The following XCR1 variants were observed in gnomAD, a reference collection of about 807,000 sequenced individuals.
XCR1 encodes the protein X-C motif chemokine receptor 1.
For missense variants in XCR1, 356 were observed against 424.2 expected (o/e 0.84, Z 1.41); for synonymous variants, 187 against 188.5 (o/e 0.99, Z 0.06).
chr3:46,025,622 G>A (rs1366018077), intron 1 of XCR1, among the ~76,000 whole-genome samples: 1 of 152,114 alleles, frequency 6.6e-6, no homozygotes, highest in Non-Finnish European at 1.5e-5. Context: ...AACTGACATG[G>A]GATGATATGG....
intron 4 of XCR1, among the ~76,000 whole-genome samples, chr3:46,059,890 C>A (rs773000508): frequency 2.0e-5 from 3 of 152,188 alleles, no homozygotes; most frequent in Non-Finnish European, 2.9e-5. Flanking sequence ...TAACATGATA[C>A]AACTGAAATT....
At chr3:46,028,810 T>C (rs141512689), upstream of XCR1, among the ~76,000 whole-genome samples, 136 of 152,300 alleles carry the variant, frequency 8.9e-4, no homozygotes, top group African/African-American at 3.0e-3. Flanking sequence ...CAGACTAATC[T>C]TGGACTCTTG....
intron 5 of XCR1, among the ~76,000 whole-genome samples, chr3:46,049,890 T>C (rs562659067): frequency 3.3e-5 from 5 of 152,346 alleles, no homozygotes; most frequent in African/African-American, 1.2e-4. Context: ...TGCCAGGCAG[T>C]TGACATTTCC....
chr3:46,041,891 A>G (rs1240771522), intron 5 of XCR1, among the ~76,000 whole-genome samples: 1 of 152,194 alleles, frequency 6.6e-6, no homozygotes, highest in Non-Finnish European at 1.5e-5. Context: ...CTTCCCTGCT[A>G]TATAAACCCC....
At chr3:46,042,740 A>G (rs1379094275) in intron 5 of XCR1, among the ~76,000 whole-genome samples, 2 of 152,222 alleles carry the variant, frequency 1.3e-5, no homozygotes, top group Non-Finnish European at 2.9e-5. Flanking sequence ...ATTCTACCAA[A>G]CATTTAAAGA....
At chr3:46,053,619 A>G (rs1252876963) in intron 5 of XCR1, among the ~76,000 whole-genome samples, 1 of 144,396 alleles carries the variant, frequency 6.9e-6, no homozygotes, top group Non-Finnish European at 1.5e-5. Context: ...AAAACTGAAG[A>G]ATAACTTTAA....
Position 46,080,522 on chromosome 3 carries a change from A to C in XCR1, c.-514-3596T>G, listed in dbSNP as rs186637252. 5.3e-5 allele frequency among the ~76,000 whole-genome samples: 8 copies of C among 152,286 alleles called. No individual in the cohort carries two copies. The East Asian group carries it at 1.5e-3, about 29-fold the overall frequency. On this transcript the variant is annotated intron_variant, in intron 1 of 5. Transcript: ENST00000683768. ...GGTTGCAGTGAGCTGAGATTGTGCC[A>C]CTGCACTCCAGCCTGAGTGACAAAG...
upstream of XCR1, among the ~76,000 whole-genome samples, chr3:46,031,848 A>C (rs1708400360): frequency 6.6e-6 from 1 of 152,190 alleles, no homozygotes; most frequent in Non-Finnish European, 1.5e-5. Flanking sequence ...TGACCTGTCT[A>C]AGAGAGGCTA....
At chr3:46,063,793 A>G (rs918715476) in intron 4 of XCR1, among the ~76,000 whole-genome samples, 2 of 152,186 alleles carry the variant, frequency 1.3e-5, no homozygotes, top group African/African-American at 4.8e-5. Context: ...CCTCCTAAAC[A>G]TGTAATCCTC....
chr3:46,047,162 A>T (rs1697650567), intron 5 of XCR1, among the ~76,000 whole-genome samples: 1 of 152,230 alleles, frequency 6.6e-6, no homozygotes, highest in Non-Finnish European at 1.5e-5. Context: ...GAATAGAATT[A>T]TGCAAAGCTA....
At chr3:46,024,334 C>T (rs1472832903) in intron 1 of XCR1, among the ~76,000 whole-genome samples, 6 of 152,140 alleles carry the variant, frequency 3.9e-5, no homozygotes, top group Admixed American at 6.6e-5. Context: ...GGGAAACAGT[C>T]ACTGTGAAAT....
upstream of XCR1, among the ~76,000 whole-genome samples, chr3:46,028,085 T>G (rs549098822): frequency 1.5e-4 from 23 of 152,304 alleles, no homozygotes; most frequent in African/African-American, 5.5e-4. Flanking sequence ...ACTCAGACTT[T>G]TAGCTAGCAA....
At chr3:46,081,700 T>C (rs1344912090) in intron 1 of XCR1, among the ~76,000 whole-genome samples, 2 of 143,374 alleles carry the variant, frequency 1.4e-5, no homozygotes, top group African/African-American at 3.0e-5. Flanking sequence ...TTTTCTTTTT[T>C]TTTTTTAAAA....
upstream of XCR1, among the ~76,000 whole-genome samples, chr3:46,029,173 G>T (rs1440846919): frequency 6.6e-6 from 1 of 152,134 alleles, no homozygotes; most frequent in Non-Finnish European, 1.5e-5. Context: ...GAAATACAAT[G>T]GGGAAAGCCA....
At position 46,018,745 on chromosome 3, in the gene XCR1, TG is replaced by T. The variant is rs1373890493; in HGVS notation, c.*2200del. The stretch of plus-strand genomic sequence containing the variant: ...AGATCATTGAAGTTGCATCTGGAAC[TG>T]AAGGGGAAATGCCTTACAAGCTCTC... On this transcript the variant is annotated 3_prime_UTR_variant, in exon 2 of 2. Transcript: ENST00000309285. The T allele has an allele frequency of 6.6e-6, 1 of 152,238 alleles. No homozygotes were observed. Among genetic ancestry groups the T allele is most frequent in the Non-Finnish European group, 1.5e-5 (1 of 68,048 alleles). 9.4% of individuals were successfully genotyped at this position (152,238 alleles called of 1,614,324 possible).
rs574738423 is a variant in XCR1 at position 46,047,396 on chromosome 3, G to A, written c.-32+6524C>T. Reference sequence around the variant, plus strand: ...TAGAGATACTACGTGTTTGCAATGTGCTATGATTAATGCAGTGATATAACT... The same window carrying A: ...TAGAGATACTACGTGTTTGCAATGTACTATGATTAATGCAGTGATATAACT... On this transcript the variant is annotated intron_variant, in intron 5 of 5. Transcript: ENST00000683768. 9.2e-5 allele frequency among the ~76,000 whole-genome samples: 14 copies of A among 152,324 alleles called. No individual in the cohort carries two copies. The South Asian group carries it at 2.9e-3, about 32-fold the overall frequency.
In XCR1 at chr3:46,075,308, C is replaced by CAAAAAAAAAAAAAAA. The variant is rs56787185; in HGVS notation, c.-327-608_-327-594dup. On this transcript the variant is annotated intron_variant, in intron 2 of 5. Transcript: ENST00000683768. ...CTAGAGCAACTAGATGCTCATAGACCAAAAAAAAAAAAAAAAAAAAAACAA... is the reference window on the plus strand; with the variant it reads ...CTAGAGCAACTAGATGCTCATAGACCAAAAAAAAAAAAAAAAAAAAAAAAAAAAAAAAAAAAACAA... Among the ~76,000 whole-genome samples, 524 of 61,518 alleles carry CAAAAAAAAAAAAAAA rather than the reference C, an allele frequency of 8.5e-3. 1 individual carries two copies. Among genetic ancestry groups the CAAAAAAAAAAAAAAA allele is most frequent in the Non-Finnish European group, 9.4e-3 (318 of 33,954 alleles). The allele number at this position is 61,518 out of a possible 152,430, so 40.4% of individuals were successfully genotyped here. A position where few individuals can be genotyped will look rare whatever the true frequency, so the allele number is the denominator to read the frequency against.
chr3:46,070,202 C>A (rs1316965033), intron 3 of XCR1, among the ~76,000 whole-genome samples: 1 of 152,064 alleles, frequency 6.6e-6, no homozygotes, highest in African/African-American at 2.4e-5. Flanking sequence ...TGCAGCCTCA[C>A]AGATGATCTA....
rs761147670 is a variant in XCR1 at position 46,021,843 on chromosome 3, A to G, written c.105T>C (p.Thr35=). ...QAWVFATLAT[T]VLYCLVFLLS... is the part of the protein sequence containing the mutation. ...GGAGAAACACCAGGCAGTATAGGAC[A>G]GTGGTGGCGAGGGTAGCAAAGACCC... is the stretch of plus-strand genomic sequence containing the variant. The change falls in exon 2 of 2, where the codon ACT becomes ACC. Residue 35 remains threonine (T), a synonymous_variant. Coordinates refer to ENST00000309285, the MANE Select transcript of XCR1 (RefSeq NM_001024644.2). The surrounding 1 kb of genome is among the most constrained non-coding windows in gnomAD (Gnocchi z 4.7). 6.2e-7 allele frequency: 1 copy of G among 1,614,120 alleles called. No individual in the cohort carries two copies. Among genetic ancestry groups the G allele is most frequent in the African/African-American group, 1.3e-5 (1 of 75,022 alleles).
Sources: allele counts gnomAD v4.1 joint callset (sites outside exome capture counted in the v4.1 genomes callset), GRCh38; gene constraint gnomAD v4.1.1; non-coding constraint Gnocchi (gnomAD v3.1); transcripts MANE v1.5; gene names NCBI Gene and HGNC (gene_info 2026-07-23, HGNC 2026-07-21).